The following CILP2 variants were observed in gnomAD, a reference collection of about 807,000 sequenced individuals.
The protein encoded by CILP2 is CILP-2.
CILP2 carries 38 observed loss-of-function variants against 45.6 expected under a neutral mutation model. The observed-to-expected ratio is 0.83, with a 90% confidence interval of 0.64 to 1.09. The LOEUF (loss-of-function observed/expected upper bound fraction) is 1.09, where lower values mean the gene tolerates loss of function less well. Ranked by LOEUF, CILP2 falls within the 50% of genes least tolerant of loss-of-function variation. The pLI, the probability that CILP2 is intolerant of heterozygous loss-of-function variation, is 0.00. For synonymous variants in CILP2, 780 were observed against 723.5 expected (o/e 1.08, Z -1.25); for missense variants, 1,735 against 1,662.2 (o/e 1.04, Z -0.76).
chr19:19,544,606 G>A lies in CILP2; in HGVS notation c.2061G>A (p.Glu687=). The A allele has an allele frequency of 6.3e-7, 1 of 1,577,996 alleles. No homozygotes were observed. The highest frequency in any genetic ancestry group is 8.6e-7 in the Non-Finnish European group (1 of 1,168,102). The change falls in exon 8 of 8, where the codon GAG becomes GAA. Residue 687 remains glutamate, a synonymous_variant. Transcript: ENST00000291495. ...EALKLWSLNP[E]TGLWEEESGF... is the part of the protein sequence containing the mutation. The stretch of plus-strand genomic sequence containing the variant: ...TCAAGCTGTGGTCGCTGAACCCCGA[G>A]ACCGGCTTGTGGGAGGAGGAGAGCG...
chr19:19,543,089 T>A, intron 6 of CILP2, 117 bp downstream of exon 6: 1 of 990,852 alleles, frequency 1.0e-6, no homozygotes, highest in Non-Finnish European at 1.5e-6. Context: ...GGGGAATGAA[T>A]TGGGTGGGAG....
At position 19,543,045 on chromosome 19, in the gene CILP2, G is replaced by C. The variant is rs150832743; in HGVS notation, c.977+73G>C. On this transcript the variant is annotated intron_variant, in intron 6 of 7. Transcript: ENST00000291495. ...TAGATTCAATTTCATGTTGTTATGT[G>C]GTTTCCCATCTGGAGAGTGGGGAAA... 4.4e-6 allele frequency: 5 copies of C among 1,130,710 alleles called. No homozygotes were observed. The African/African-American group carries it at 7.7e-5, about 17-fold the overall frequency. 70.0% of individuals were successfully genotyped at this position (1,130,710 alleles called of 1,614,324 possible). A position where few individuals can be genotyped will look rare whatever the true frequency, so the allele number is the denominator to read the frequency against.
At chr19:19,539,467 G>A (rs1046749608) in intron 1 of CILP2, among the ~76,000 whole-genome samples, 3 of 151,694 alleles carry the variant, frequency 2.0e-5, no homozygotes, top group Admixed American at 6.6e-5. Flanking sequence ...AGGAGGCTGA[G>A]GTGTGAGAAT....
Position 19,545,209 on chromosome 19 carries a change from G to T in CILP2, c.2664G>T (p.Gln888His). 2 of 1,612,454 alleles carry T rather than the reference G, an allele frequency of 1.2e-6. No homozygotes were observed. Among genetic ancestry groups the T allele is most frequent in the Non-Finnish European group, 1.7e-6 (2 of 1,179,670 alleles). ...VYPWRSLREC[Q>H]GAPVTASHFR... Reference sequence around the variant, plus strand: ...CGTGGCGCAGCCTGCGGGAATGCCAGGGGGCCCCGGTGACTGCCAGCCACT... The same window carrying T: ...CGTGGCGCAGCCTGCGGGAATGCCATGGGGCCCCGGTGACTGCCAGCCACT... The change falls in exon 8 of 8, where the codon CAG becomes CAT. Residue 888 changes from glutamine to histidine, a missense_variant. Gln to His is a conservative substitution (Grantham distance 24, BLOSUM62 0). Transcript: ENST00000291495.
Position 19,545,867 on chromosome 19 carries a change from C to G in CILP2, c.3322C>G (p.Pro1108Ala), listed in dbSNP as rs1333665684. 1.3e-6 allele frequency: 2 copies of G among 1,587,456 alleles called. No individual in the cohort carries two copies. The highest frequency in any genetic ancestry group is 1.1e-5 in the South Asian group (1 of 89,972). ...TAVTFQCREPPAGRPSLFQRL... is the reference protein window; with the variant it reads ...TAVTFQCREPAAGRPSLFQRL... ...CGTCACCTTCCAGTGCCGGGAGCCA[C>G]CGGCCGGACGACCCAGCCTCTTCCA... Residue 1108 changes from proline to alanine, a missense_variant, in exon 8 of 8, where the codon CCG (proline) becomes GCG (alanine). Transcript: ENST00000291495.
chr19:19,539,551 G>C, intron 1 of CILP2, 128 bp from the exon 2 acceptor site: 2 of 551,744 alleles, frequency 3.6e-6, no homozygotes, highest in South Asian at 6.1e-5. Flanking sequence ...GTGACAGAGG[G>C]AGATTCCGTC....
Position 19,545,361 on chromosome 19 carries a change from G to T in CILP2, c.2816G>T (p.Cys939Phe). 1.9e-6 allele frequency: 3 copies of T among 1,612,394 alleles called. No individual in the cohort carries two copies. The highest frequency in any genetic ancestry group is 2.5e-6 in the Non-Finnish European group (3 of 1,179,716). The change falls in exon 8 of 8, where the codon TGC (cysteine) becomes TTC (phenylalanine). Residue 939 changes from cysteine (C) to phenylalanine (F), a missense_variant. By Grantham distance (205) the Cys-to-Phe change is radical (BLOSUM62 -2). Coordinates refer to ENST00000291495, the MANE Select transcript of CILP2 (RefSeq NM_153221.2). ...WWPNPQEFRA[C>F]FLKVKIQGPQ... ...CCCAACCCGCAGGAGTTCCGGGCCT[G>T]CTTCCTCAAGGTGAAGATCCAGGGT...
chr19:19,541,286 GGGGA>G (rs2144676517), intron 4 of CILP2, 40 bp downstream of exon 4: 15 of 1,263,900 alleles, frequency 1.2e-5, no homozygotes, highest in Non-Finnish European at 1.5e-5. Flanking sequence ...CCTGTACAGA[GGGGA>G]GGAAGGGGAG....
In CILP2 at chr19:19,542,908, G is replaced by T. The variant is rs140099724; in HGVS notation, c.913G>T (p.Ala305Ser). ...ACACCCTGAGTCCCGAGTGCGAGAG[G>T]CTGGCCAGAATGTGACTTTCTGCTG... Reference protein sequence around the residue: ...VKHPESRVREAGQNVTFCCKA... With the variant: ...VKHPESRVRESGQNVTFCCKA... Residue 305 changes from alanine (A) to serine (S), a missense_variant, in exon 6 of 8, where the codon GCT becomes TCT. Ala to Ser is a moderately conservative substitution (Grantham distance 99). Coordinates refer to ENST00000291495, the MANE Select transcript of CILP2 (RefSeq NM_153221.2). 4.8e-5 allele frequency: 77 copies of T among 1,614,012 alleles called. No individual in the cohort carries two copies. Among genetic ancestry groups the T allele is most frequent in the Admixed American group, 8.3e-5 (5 of 59,996 alleles).
Position 19,544,801 on chromosome 19 carries a change from C to A in CILP2, c.2256C>A (p.Ser752Arg). 1 of 1,605,254 alleles carries A rather than the reference C, an allele frequency of 6.2e-7. No homozygotes were observed. The highest frequency in any genetic ancestry group is 1.7e-4 in the Middle Eastern group (1 of 6,060). The change falls in exon 8 of 8, where the codon AGC becomes AGA. Residue 752 changes from serine (S) to arginine (R), a missense_variant. By Grantham distance (110) the Ser-to-Arg change is moderately radical (BLOSUM62 -1). Transcript: ENST00000291495. ...RAYANDKFTP[S>R]EQVEGVVVTL... ...ACGCCAACGACAAGTTCACCCCCAG[C>A]GAGCAGGTGGAGGGCGTGGTGGTCA...
chr19:19,538,630 C>A (rs2144674281), intron 1 of CILP2, among the ~76,000 whole-genome samples: 1 of 152,310 alleles, frequency 6.6e-6, no homozygotes, highest in African/African-American at 2.4e-5. Context: ...TGGATAAGAA[C>A]CTAGGGTTCC....
In CILP2 at chr19:19,545,480, C is replaced by G. The variant is rs1207088951; in HGVS notation, c.2935C>G (p.Arg979Gly). The change falls in exon 8 of 8, where the codon CGA (arginine) becomes GGA (glycine). Residue 979 changes from arginine to glycine, a missense_variant. Transcript: ENST00000291495. ...LYGLRDARSV[R>G]DPERPGTSAA... ...CGGACTTCGGGATGCCCGGAGTGTG[C>G]GAGACCCCGAGCGTCCGGGCACCTC... is the stretch of plus-strand genomic sequence containing the variant. 1 of 1,612,052 alleles carries G rather than the reference C, an allele frequency of 6.2e-7. No homozygotes were observed. Among genetic ancestry groups the G allele is most frequent in the Non-Finnish European group, 8.5e-7 (1 of 1,179,722 alleles).
Position 19,546,132 on chromosome 19 carries a change from G to T in CILP2, c.*116G>T, listed in dbSNP as rs577479881. On this transcript the variant is annotated 3_prime_UTR_variant, in exon 8 of 8. Coordinates refer to ENST00000291495, the MANE Select transcript of CILP2 (RefSeq NM_153221.2). ...CCCAGGTGTCTGGGTCCCCTTTCCC[G>T]CCCCTTTCCAGAACTCAGAGTCAGA... 20 of 819,828 alleles carry T rather than the reference G, an allele frequency of 2.4e-5. No homozygotes were observed. Among genetic ancestry groups the T allele is most frequent in the Non-Finnish European group, 3.1e-5 (18 of 576,700 alleles). The allele number at this position is 819,828 out of a possible 1,614,324, so 50.8% of individuals were successfully genotyped here. A position where few individuals can be genotyped will look rare whatever the true frequency, so the allele number is the denominator to read the frequency against.
chr19:19,542,592 G>T lies in CILP2; in HGVS notation c.810G>T (p.Glu270Asp). The change falls in exon 5 of 8, where the codon GAG (glutamate) becomes GAT (aspartate). Residue 270 changes from glutamate (E) to aspartate (D), a missense_variant. Glu to Asp is a conservative substitution (Grantham distance 45). Transcript: ENST00000291495. Reference sequence around the variant, plus strand: ...AGATGGATGGCTTCTCTGCAGGGGAGGCCCAGGCCCAGGCCAACGGATCCA... The same window carrying T: ...AGATGGATGGCTTCTCTGCAGGGGATGCCCAGGCCCAGGCCAACGGATCCA... ...RAQMDGFSAG[E>D]AQAQANGSIS... The T allele has an allele frequency of 6.2e-7, 1 of 1,614,072 alleles. No homozygotes were observed. The highest frequency in any genetic ancestry group is 8.5e-7 in the Non-Finnish European group (1 of 1,180,002).
intron 1 of CILP2, among the ~76,000 whole-genome samples, chr19:19,539,339 G>A (rs1173953167): frequency 2.6e-5 from 4 of 152,028 alleles, no homozygotes; most frequent in African/African-American, 4.8e-5. Context: ...CGAGGCGGGC[G>A]GACTACCTGA....
chr19:19,540,148 C>T, intron 2 of CILP2, 56 bp from the exon 3 acceptor site: 1 of 1,477,528 alleles, frequency 6.8e-7, no homozygotes, highest in Non-Finnish European at 8.9e-7. Context: ...CCTTTGCACG[C>T]ATGCATGGGG....
rs758810311 is a variant in CILP2, at chr19:19,542,610, C to T, written c.828C>T (p.Asn276=). The T allele has an allele frequency of 9.3e-6, 15 of 1,614,142 alleles. No individual in the cohort carries two copies. Among genetic ancestry groups the T allele is most frequent in the East Asian group, 8.9e-5 (4 of 44,884 alleles). ...CAGGGGAGGCCCAGGCCCAGGCCAACGGATCCATCTCTGTGGTCACCATCA... is the reference window on the plus strand; with the variant it reads ...CAGGGGAGGCCCAGGCCCAGGCCAATGGATCCATCTCTGTGGTCACCATCA... ...FSAGEAQAQA[N]GSISVVTIIL... The change falls in exon 5 of 8, where the codon AAC becomes AAT. Residue 276 remains asparagine, a synonymous_variant. Transcript: ENST00000291495.
intron 4 of CILP2, among the ~76,000 whole-genome samples, chr19:19,541,896 A>G (rs904204030): frequency 3.3e-5 from 5 of 152,170 alleles, no homozygotes; most frequent in African/African-American, 9.7e-5. Flanking sequence ...ATGGTGGCCA[A>G]TGGGGCGTTG....
chr19:19,544,067 G>T lies in CILP2; in HGVS notation c.1522G>T (p.Asp508Tyr). ...EPIGFTAYQG[D>Y]FTIEVPPSTQ... ...CATCGGCTTCACCGCCTACCAGGGCGACTTTACCATTGAGGTGCCGCCCTC... is the reference window on the plus strand; with the variant it reads ...CATCGGCTTCACCGCCTACCAGGGCTACTTTACCATTGAGGTGCCGCCCTC... The change falls in exon 8 of 8, where the codon GAC (aspartate) becomes TAC (tyrosine). Residue 508 changes from aspartate (D) to tyrosine (Y), a missense_variant. Coordinates refer to ENST00000291495, the MANE Select transcript of CILP2 (RefSeq NM_153221.2). 6.2e-7 allele frequency: 1 copy of T among 1,613,980 alleles called. No homozygotes were observed. The highest frequency in any genetic ancestry group is 1.3e-5 in the African/African-American group (1 of 75,076).
Sources: allele counts gnomAD v4.1 joint callset (sites outside exome capture counted in the v4.1 genomes callset), GRCh38; gene constraint gnomAD v4.1.1; transcripts MANE v1.5; gene names NCBI Gene and HGNC (gene_info 2026-07-23, HGNC 2026-07-21).